AGBL1: variants seen among roughly 807,000 people sequenced by gnomAD.
AGBL1 encodes the protein cytosolic carboxypeptidase 4.
A neutral mutation model predicts 118.9 loss-of-function variants in AGBL1; 130 were observed. The ratio of observed to expected loss-of-function variants is 1.09; its 90% CI spans 0.95 to 1.26. The LOEUF (loss-of-function observed/expected upper bound fraction) is 1.26. Ranked by LOEUF, AGBL1 falls within the 50% of genes most tolerant of loss-of-function variation. AGBL1 has a pLI of 0.00. For missense variants in AGBL1, 1,584 were observed against 1,298.1 expected, an observed-to-expected ratio of 1.22 and a Z score of -3.38; for synonymous variants, 555 against 478.9, an observed-to-expected ratio of 1.16 and a Z score of -2.08.
intron 14 of AGBL1, 148 bp downstream of exon 14, chr15:86,270,215 G>GT: frequency 9.8e-7 from 1 of 1,024,534 alleles, no homozygotes; most frequent in Non-Finnish European, 1.4e-6. Flanking sequence ...GGCAGGCAGT[G>GT]GCCCTCAGTG....
rs1358045312 is a variant in AGBL1, at chr15:86,098,799, C to G, written c.51+18776C>G. Among the ~76,000 whole-genome samples the G allele has an allele frequency of 2.0e-5, 3 of 151,394 alleles. No individual in the cohort carries two copies. In the East Asian group the frequency reaches 5.8e-4, roughly 29 times the overall value. On this transcript the variant is annotated intron_variant, in intron 1 of 22. Coordinates refer to ENST00000614907, the MANE Select transcript of AGBL1 (RefSeq NM_001386094.1). ...TAGGATTGCTTTGACTCTTCAAGCT[C>G]TTTTTTTTGGTTCTATAAAAATTTT...
chr15:86,382,359 A>G (rs1263885408), intron 17 of AGBL1, among the ~76,000 whole-genome samples: 1 of 152,056 alleles, frequency 6.6e-6, no homozygotes, highest in Non-Finnish European at 1.5e-5. Flanking sequence ...TCAATTTCCC[A>G]TTTTCAGGCC....
At chr15:86,348,598 T>G (rs1411920731) in intron 17 of AGBL1, among the ~76,000 whole-genome samples, 1 of 152,032 alleles carries the variant, frequency 6.6e-6, no homozygotes, top group Admixed American at 6.6e-5. Flanking sequence ...ACCAACATGG[T>G]GAAACCCTGT....
At chr15:86,899,436 G>T (rs1478485580) in intron 22 of AGBL1, among the ~76,000 whole-genome samples, 1 of 152,070 alleles carries the variant, frequency 6.6e-6, no homozygotes, top group Non-Finnish European at 1.5e-5. Context: ...ATTGGGTACT[G>T]GCTTAATAGC....
chr15:86,945,828 A>C (rs2080813902), intron 23 of AGBL1, among the ~76,000 whole-genome samples: 1 of 152,220 alleles, frequency 6.6e-6, no homozygotes, highest in Non-Finnish European at 1.5e-5. Flanking sequence ...AGCACTTTAA[A>C]AAGATACTTT....
At chr15:86,667,416 C>T (rs1000095981) in intron 21 of AGBL1, among the ~76,000 whole-genome samples, 2 of 151,874 alleles carry the variant, frequency 1.3e-5, no homozygotes, top group Non-Finnish European at 2.9e-5. Context: ...AATGTTTCCC[C>T]TTCTCTTGGT....
intron 15 of AGBL1, among the ~76,000 whole-genome samples, chr15:86,274,830 A>T (rs28488651): frequency 0.032 from 4,883 of 152,090 alleles, 274 homozygotes; most frequent in African/African-American, 0.11. Context: ...TTTCTTTCTT[A>T]CTATCTAGAT....
rs913057481 is a variant in AGBL1, at chr15:86,473,290, TC to T, written c.2556-49517del. Reference sequence around the variant, plus strand: ...ATGTGATAGGAAGAGTGAGGCCCCCTCCCAGGGCCATTCTAAGTATTCAAGG... The same window carrying T: ...ATGTGATAGGAAGAGTGAGGCCCCCTCCAGGGCCATTCTAAGTATTCAAGG... On this transcript the variant is annotated intron_variant, in intron 18 of 22. Coordinates refer to ENST00000614907, the MANE Select transcript of AGBL1 (RefSeq NM_001386094.1). Among the ~76,000 whole-genome samples the T allele has an allele frequency of 3.7e-4, 57 of 152,254 alleles. 1 individual carries two copies. Among genetic ancestry groups the T allele is most frequent in the African/African-American group, 1.3e-3 (56 of 41,562 alleles).
intron 6 of AGBL1, among the ~76,000 whole-genome samples, chr15:86,234,344 A>G (rs565837926): frequency 6.6e-6 from 1 of 152,152 alleles, no homozygotes; most frequent in South Asian, 2.1e-4. Flanking sequence ...CAAGGTCAAG[A>G]GTTCCAGACC....
chr15:86,514,488 CT>C (rs1386267328), intron 18 of AGBL1, among the ~76,000 whole-genome samples: 6 of 152,198 alleles, frequency 3.9e-5, no homozygotes, highest in African/African-American at 1.4e-4. Context: ...TTTCTTCTTA[CT>C]TCGTTTAGTG....
intron 21 of AGBL1, among the ~76,000 whole-genome samples, chr15:86,659,076 T>C (rs1270826628): frequency 6.6e-6 from 1 of 152,138 alleles, no homozygotes; most frequent in Non-Finnish European, 1.5e-5. Context: ...TCCTGTCTCA[T>C]TTATTTCCTA....
At chr15:86,387,109 A>G (rs2081208881) in intron 17 of AGBL1, among the ~76,000 whole-genome samples, 1 of 152,176 alleles carries the variant, frequency 6.6e-6, no homozygotes, top group Non-Finnish European at 1.5e-5. Flanking sequence ...CTAGGGTCAC[A>G]TGGTGAGTTG....
intron 5 of AGBL1, among the ~76,000 whole-genome samples, chr15:86,203,235 T>C (rs1850365489): frequency 2.0e-5 from 3 of 152,140 alleles, no homozygotes; most frequent in Admixed American, 2.0e-4. Context: ...TACAGATTCG[T>C]TTTTGAAAAT....
chr15:86,489,244 T>G (rs1225491847), intron 18 of AGBL1, among the ~76,000 whole-genome samples: 2 of 152,154 alleles, frequency 1.3e-5, no homozygotes, highest in Non-Finnish European at 2.9e-5. Context: ...TTCCATTTGC[T>G]TTTATATTTG....
chr15:86,633,799 GTATATATATATAATGTATGTATA>G, intron 21 of AGBL1, among the ~76,000 whole-genome samples: 2 of 86,832 alleles, frequency 2.3e-5, no homozygotes, highest in South Asian at 6.2e-4. Flanking sequence ...TATATATAAT[GTATATATATATAATGTATGTATA>G]TATATATAAT....
intron 21 of AGBL1, among the ~76,000 whole-genome samples, chr15:86,568,877 T>G (rs964772637): frequency 1.3e-5 from 2 of 152,166 alleles, no homozygotes; most frequent in Non-Finnish European, 2.9e-5. Flanking sequence ...GCAAGGACAT[T>G]GTTCCCAGAA....
chr15:86,970,768 T>C (rs1385939307), intron 23 of AGBL1, among the ~76,000 whole-genome samples: 1 of 151,974 alleles, frequency 6.6e-6, no homozygotes, highest in Non-Finnish European at 1.5e-5. Flanking sequence ...TAGCTGAAAC[T>C]TTCCCCTAGA....
At chr15:86,292,879 CA>C (rs1177427071) in intron 16 of AGBL1, among the ~76,000 whole-genome samples, 3 of 152,068 alleles carry the variant, frequency 2.0e-5, no homozygotes, top group Non-Finnish European at 2.9e-5. Flanking sequence ...CTTCCCAGAG[CA>C]GTAAGGTTAT....
intron 1 of AGBL1, among the ~76,000 whole-genome samples, chr15:86,117,384 T>C (rs1897830305): frequency 6.6e-6 from 1 of 152,182 alleles, no homozygotes; most frequent in African/African-American, 2.4e-5. Flanking sequence ...GTGTAAGGAA[T>C]AAAGCCTAAA....
Sources: allele counts gnomAD v4.1 joint callset (sites outside exome capture counted in the v4.1 genomes callset), GRCh38; gene constraint gnomAD v4.1.1; transcripts MANE v1.5; gene names NCBI Gene and HGNC (gene_info 2026-07-23, HGNC 2026-07-21).